SMYD3: variants seen among roughly 807,000 people sequenced by gnomAD.
SMYD3 encodes the protein histone-lysine N-methyltransferase SMYD3.
A neutral mutation model predicts 57.7 loss-of-function variants in SMYD3; 36 were observed. The ratio of observed to expected loss-of-function variants is 0.62; its 90% confidence interval spans 0.48 to 0.82. The LOEUF (loss-of-function observed/expected upper bound fraction) is 0.82. SMYD3 is among the 40% of genes least tolerant of loss of function. SMYD3 has a pLI of 0.00. For synonymous variants in SMYD3, 211 were observed against 195.0 expected, an observed-to-expected ratio of 1.08 and a Z score of -0.68; for missense variants, 515 against 538.8, an observed-to-expected ratio of 0.96 and a Z score of 0.44.
intron 3 of SMYD3, among the ~76,000 whole-genome samples, chr1:246,334,109 A>G (rs1245969948): frequency 6.6e-6 from 1 of 152,188 alleles, no homozygotes; most frequent in Non-Finnish European, 1.5e-5. Flanking sequence ...GGGAACACTT[A>G]TCTACTGTTA....
intron 10 of SMYD3, among the ~76,000 whole-genome samples, chr1:245,795,303 A>G (rs1326933904): frequency 6.6e-6 from 1 of 152,186 alleles, no homozygotes; most frequent in Non-Finnish European, 1.5e-5. Context: ...TTCCAGGCAT[A>G]GGTCAGCAGT....
intron 8 of SMYD3, among the ~76,000 whole-genome samples, chr1:245,906,942 G>A (rs766836320): frequency 7.9e-5 from 12 of 152,164 alleles, no homozygotes; most frequent in South Asian, 2.1e-4. Context: ...AAAATCACAC[G>A]TTCTTATTTA....
intron 5 of SMYD3, among the ~76,000 whole-genome samples, chr1:246,309,708 T>C (rs2065043258): frequency 6.6e-6 from 1 of 152,218 alleles, no homozygotes. Flanking sequence ...TGCTGAGACA[T>C]TGCCTTCACG....
intron 1 of SMYD3, among the ~76,000 whole-genome samples, chr1:246,466,339 A>G (rs1272415631): frequency 1.3e-5 from 2 of 152,244 alleles, no homozygotes; most frequent in African/African-American, 4.8e-5. Flanking sequence ...AATACTATGC[A>G]TGCGGCCATA....
intron 5 of SMYD3, among the ~76,000 whole-genome samples, chr1:246,213,234 A>G (rs1270977593): frequency 6.6e-6 from 1 of 152,156 alleles, no homozygotes; most frequent in Non-Finnish European, 1.5e-5. Flanking sequence ...ATGCTGACAA[A>G]AGCACTTTTC....
intron 5 of SMYD3, among the ~76,000 whole-genome samples, chr1:246,161,984 AG>A (rs1440390376): frequency 2.0e-5 from 3 of 152,188 alleles, no homozygotes; most frequent in Non-Finnish European, 4.4e-5. Flanking sequence ...GCAAGCTTGG[AG>A]AGTTTCAGGA....
At chr1:245,955,368 G>A (rs12031990) in intron 5 of SMYD3, among the ~76,000 whole-genome samples, 22,340 of 152,076 alleles carry the variant, frequency 0.15, 2,028 homozygotes, top group East Asian at 0.36. Flanking sequence ...ATGAGCCACC[G>A]CGCCTGGCCG....
intron 1 of SMYD3, among the ~76,000 whole-genome samples, chr1:246,404,447 A>G (rs887986870): frequency 1.3e-5 from 2 of 152,252 alleles, no homozygotes; most frequent in Admixed American, 1.3e-4. Context: ...CTAGACAAAG[A>G]CAGACATGAA....
intron 10 of SMYD3, among the ~76,000 whole-genome samples, chr1:245,816,517 T>TA (rs35612835): frequency 0.14 from 14,508 of 100,210 alleles, 1,376 homozygotes; most frequent in East Asian, 0.27. Context: ...TTCATCTATG[T>TA]AAAAAAAAAA....
chr1:246,392,168 G>A lies in SMYD3; in HGVS notation c.165-37074C>T, dbSNP rs144707638. 1.6e-4 allele frequency among the ~76,000 whole-genome samples: 24 copies of A among 152,032 alleles called. No homozygotes were observed. The East Asian group carries it at 4.1e-3, about 26-fold the overall frequency. ...AAAACATGACACATAATAGGCATTC[G>A]GTAAATGCTTGCTAAATGAAGGATA... On this transcript the variant is annotated intron_variant, in intron 1 of 11. Coordinates refer to ENST00000490107, the MANE Select transcript of SMYD3 (RefSeq NM_001167740.2).
intron 5 of SMYD3, chr1:246,052,513 G>C (rs1300523889): frequency 6.6e-6 from 1 of 152,236 alleles, no homozygotes; most frequent in Non-Finnish European, 1.5e-5. Flanking sequence ...CTGTGAGTTT[G>C]AGATGGTGAA....
chr1:246,339,275 C>G (rs189716806), intron 2 of SMYD3, among the ~76,000 whole-genome samples: 1 of 152,114 alleles, frequency 6.6e-6, no homozygotes, highest in Admixed American at 6.5e-5. Flanking sequence ...TGTATAGGTG[C>G]AAATATGTGA....
At chr1:246,175,830 T>C (rs1343184916) in intron 5 of SMYD3, among the ~76,000 whole-genome samples, 1 of 152,244 alleles carries the variant, frequency 6.6e-6, no homozygotes, top group Non-Finnish European at 1.5e-5. Flanking sequence ...AAATACATTG[T>C]AAATGAAACA....
rs554050053 is a variant in SMYD3, at chr1:246,007,438, C to T, written c.532-77501G>A. 6.6e-5 allele frequency among the ~76,000 whole-genome samples: 10 copies of T among 152,166 alleles called. No individual in the cohort carries two copies. The South Asian group carries it at 1.9e-3, about 28-fold the overall frequency. On this transcript the variant is annotated intron_variant, in intron 5 of 11. Coordinates refer to ENST00000490107, the MANE Select transcript of SMYD3 (RefSeq NM_001167740.2). Reference sequence around the variant, plus strand: ...CTCACCTTAATAAATGAGATTCATTCACCTGGCACTTTGGGTTTCATGTAG... The same window carrying T: ...CTCACCTTAATAAATGAGATTCATTTACCTGGCACTTTGGGTTTCATGTAG...
intron 5 of SMYD3, among the ~76,000 whole-genome samples, chr1:246,069,370 T>A (rs1228634673): frequency 1.3e-5 from 2 of 152,136 alleles, no homozygotes; most frequent in Non-Finnish European, 2.9e-5. Context: ...TCCAACACAT[T>A]TCACATAAAA....
intron 5 of SMYD3, among the ~76,000 whole-genome samples, chr1:246,118,037 G>C (rs1489453014): frequency 6.6e-6 from 1 of 152,020 alleles, no homozygotes; most frequent in African/African-American, 2.4e-5. Flanking sequence ...AAAGGTAAGG[G>C]ACTACACAAA....
chr1:246,188,149 C>T (rs1389754804), intron 5 of SMYD3, among the ~76,000 whole-genome samples: 2 of 152,200 alleles, frequency 1.3e-5, no homozygotes, highest in African/African-American at 4.8e-5. Context: ...GGAAGTCAAA[C>T]TACTATCAGA....
At chr1:245,851,108 C>T (rs1056443596) in intron 10 of SMYD3, among the ~76,000 whole-genome samples, 41 of 152,144 alleles carry the variant, frequency 2.7e-4, no homozygotes, top group Non-Finnish European at 3.4e-4. Flanking sequence ...CACTGCAGGG[C>T]CTCCTACTCT....
At chr1:245,919,298 G>GCCTC (rs1157199989) in intron 7 of SMYD3, among the ~76,000 whole-genome samples, 1 of 152,092 alleles carries the variant, frequency 6.6e-6, no homozygotes, top group African/African-American at 2.4e-5. Context: ...TGCCTTTCTA[G>GCCTC]CCTCCATGTC....
Sources: gnomAD v4.1 joint callset for allele counts (sites outside exome capture counted in the v4.1 genomes callset) on GRCh38, gnomAD v4.1.1 for gene constraint, MANE v1.5 for transcripts, NCBI Gene and HGNC (gene_info 2026-07-23, HGNC 2026-07-21) for gene names.